The following KAZN variants were observed in gnomAD, a reference collection of about 807,000 sequenced individuals.
KAZN encodes kazrin.
Under a neutral mutation model 87.4 loss-of-function variants are expected in KAZN, and 40 were observed. The ratio of observed to expected loss-of-function variants is 0.46; its 90% CI spans 0.36 to 0.60. The LOEUF (loss-of-function observed/expected upper bound fraction) is 0.60, where lower values mean the gene tolerates loss of function less well. Among genes scored for constraint, KAZN ranks in the 20% least tolerant of loss-of-function variants. The pLI is 0.00. For missense variants in KAZN, 898 were observed against 1,073.9 expected (o/e 0.84, Z 2.29); for synonymous variants, 466 against 458.3 (o/e 1.02, Z -0.22).
At chr1:14,276,690 G>A (rs1268108566) in intron 2 of KAZN, among the ~76,000 whole-genome samples, 3 of 152,156 alleles carry the variant, frequency 2.0e-5, no homozygotes, top group Admixed American at 6.5e-5. Flanking sequence ...CAGTCATCCA[G>A]TAGGATCACA....
intron 1 of KAZN, among the ~76,000 whole-genome samples, chr1:13,976,320 C>G (rs1285764865): frequency 1.3e-5 from 2 of 152,150 alleles, no homozygotes. Context: ...ATAAGTCAAT[C>G]TGTCCTTTGC....
chr1:14,495,542 A>G (rs1669891105), intron 2 of KAZN, among the ~76,000 whole-genome samples: 1 of 152,198 alleles, frequency 6.6e-6, no homozygotes, highest in South Asian at 2.1e-4. Context: ...AATTTAAATT[A>G]ACAGTGTAGA....
chr1:15,000,293 C>A (rs59028215), intron 2 of KAZN, among the ~76,000 whole-genome samples: 13,285 of 151,784 alleles, frequency 0.088, 654 homozygotes, highest in East Asian at 0.12. Context: ...CCTATAGCCT[C>A]CGGTGGGAGC....
intron 1 of KAZN, among the ~76,000 whole-genome samples, chr1:14,633,448 A>G (rs1342702141): frequency 6.6e-6 from 1 of 152,116 alleles, no homozygotes; most frequent in Non-Finnish European, 1.5e-5. Flanking sequence ...GAGCCAAGAA[A>G]TGTGTGGGTG....
intron 2 of KAZN, among the ~76,000 whole-genome samples, chr1:14,350,291 C>T (rs1361876456): frequency 6.6e-6 from 1 of 152,090 alleles, no homozygotes; most frequent in Non-Finnish European, 1.5e-5. Flanking sequence ...TTACCCATGA[C>T]CTTGGGAAAG....
chr1:14,461,444 T>G (rs1346422768), intron 2 of KAZN, among the ~76,000 whole-genome samples: 1 of 152,166 alleles, frequency 6.6e-6, no homozygotes, highest in Non-Finnish European at 1.5e-5. Flanking sequence ...TGCCACCATG[T>G]AAGTCGTGCC....
intron 2 of KAZN, among the ~76,000 whole-genome samples, chr1:14,530,937 G>C (rs1672175593): frequency 6.6e-6 from 1 of 152,080 alleles, no homozygotes; most frequent in Non-Finnish European, 1.5e-5. Flanking sequence ...GCCAGGCATA[G>C]TGCTGTGCAC....
At chr1:14,403,433 AT>A (rs1416617794) in intron 2 of KAZN, among the ~76,000 whole-genome samples, 1 of 152,206 alleles carries the variant, frequency 6.6e-6, no homozygotes, top group Non-Finnish European at 1.5e-5. Flanking sequence ...AAACATTAAT[AT>A]TTGGTTCATT....
At chr1:14,238,618 G>A (rs1057153872) in intron 2 of KAZN, among the ~76,000 whole-genome samples, 24 of 152,268 alleles carry the variant, frequency 1.6e-4, no homozygotes, top group African/African-American at 5.1e-4. Context: ...CATCCGGGCT[G>A]GAGCCCATGA....
chr1:14,382,649 G>A (rs12745096), intron 2 of KAZN, among the ~76,000 whole-genome samples: 1 of 141,612 alleles, frequency 7.1e-6, no homozygotes, highest in African/African-American at 2.6e-5. Context: ...GACATGAACT[G>A]ATCATTTTTT....
chr1:14,564,539 C>T (rs1401632477), intron 2 of KAZN, among the ~76,000 whole-genome samples: 2 of 152,048 alleles, frequency 1.3e-5, no homozygotes, highest in African/African-American at 2.4e-5. Flanking sequence ...GCCACAGTGG[C>T]TCATGCCTGT....
chr1:14,502,276 T>G (rs1219693822), intron 2 of KAZN, among the ~76,000 whole-genome samples: 1 of 152,200 alleles, frequency 6.6e-6, no homozygotes, highest in African/African-American at 2.4e-5. Flanking sequence ...CTTTCCAGAC[T>G]GAAGAGTCTT....
chr1:14,807,035 C>A (rs565861943), intron 1 of KAZN, among the ~76,000 whole-genome samples: 4 of 152,266 alleles, frequency 2.6e-5, no homozygotes, highest in African/African-American at 9.6e-5. Flanking sequence ...GAGGCAGAGG[C>A]CACTTCTGCT....
At chr1:14,367,208 G>A (rs1660073903) in intron 2 of KAZN, among the ~76,000 whole-genome samples, 1 of 152,164 alleles carries the variant, frequency 6.6e-6, no homozygotes, top group African/African-American at 2.4e-5. Context: ...CAGCCGAGGT[G>A]ACAGAGCAAG....
In KAZN at chr1:14,184,952, G is replaced by A. The variant is rs1646273335; in HGVS notation, c.249+4360G>A. ...GATTCTTTCCGAAGTTGATACTGTGGTCAAGGTAGGTAGGCCTCTGTGGCT... is the reference window on the plus strand; with the variant it reads ...GATTCTTTCCGAAGTTGATACTGTGATCAAGGTAGGTAGGCCTCTGTGGCT... On this transcript the variant is annotated intron_variant, in intron 2 of 16. Coordinates refer to the KAZN transcript ENST00000636203. The surrounding 1 kb of genome is among the most constrained non-coding windows in gnomAD (Gnocchi z 4.2). Among the ~76,000 whole-genome samples the A allele has an allele frequency of 6.6e-6, 1 of 152,164 alleles. No individual in the cohort carries two copies. The highest frequency in any genetic ancestry group is 2.4e-5 in the African/African-American group (1 of 41,434).
chr1:14,409,264 G>T lies in KAZN; in HGVS notation c.250-189719G>T, dbSNP rs1031426993. Among the ~76,000 whole-genome samples the T allele has an allele frequency of 7.9e-5, 12 of 152,128 alleles. No homozygotes were observed. The East Asian group carries it at 2.1e-3, about 27-fold the overall frequency. Reference sequence around the variant, plus strand: ...GTGAAAAGCCATCTTAACACACAGGGATTAGAATTTTTAATGCCTGGAAAG... The same window carrying T: ...GTGAAAAGCCATCTTAACACACAGGTATTAGAATTTTTAATGCCTGGAAAG... On this transcript the variant is annotated intron_variant, in intron 2 of 16. Transcript: ENST00000636203.
intron 1 of KAZN, among the ~76,000 whole-genome samples, chr1:14,720,654 C>G (rs1643047170): frequency 6.6e-6 from 1 of 152,206 alleles, no homozygotes; most frequent in Non-Finnish European, 1.5e-5. Context: ...CTCCTCTTAT[C>G]ATTCTTACAG....
intron 2 of KAZN, among the ~76,000 whole-genome samples, chr1:14,417,992 TCAAAAAAAAAAAAAAAAAAAAAAAAAA>T (rs1664950598): frequency 2.3e-5 from 1 of 43,232 alleles, no homozygotes. Flanking sequence ...TGAGACTGCC[TCAAAAAAAAAAAAAAAAAAAAAAAAAA>T]AAAAAAAAAA....
At chr1:14,201,051 A>G (rs540303638) in intron 2 of KAZN, among the ~76,000 whole-genome samples, 30 of 152,190 alleles carry the variant, frequency 2.0e-4, no homozygotes, top group Non-Finnish European at 4.3e-4. Flanking sequence ...TCCCGGCCCA[A>G]TTTATCTTAG....
Sources: gnomAD v4.1 joint callset for allele counts (sites outside exome capture counted in the v4.1 genomes callset) on GRCh38, gnomAD v4.1.1 for gene constraint, Gnocchi (gnomAD v3.1) non-coding constraint, MANE v1.5 for transcripts, NCBI Gene and HGNC (gene_info 2026-07-23, HGNC 2026-07-21) for gene names.